The following PPARGC1B variants were observed in gnomAD, a reference collection of about 807,000 sequenced individuals.
PPARGC1B encodes the protein PPARG coactivator 1 beta.
In PPARGC1B, 34 loss-of-function variants were observed where a neutral mutation model predicts 101.6. The observed-to-expected ratio is 0.33, with a 90% CI of 0.25 to 0.45. The LOEUF (loss-of-function observed/expected upper bound fraction) is 0.45, where lower values mean the gene tolerates loss of function less well. PPARGC1B is among the 20% of genes least tolerant of loss of function. The pLI is 1.00. For synonymous variants in PPARGC1B, 548 were observed against 539.3 expected (o/e 1.02, Z -0.22); for missense variants, 1,234 against 1,317.6 (o/e 0.94, Z 0.98).
chr5:149,788,499 G>A (rs761417787), intron 1 of PPARGC1B, among the ~76,000 whole-genome samples: 4 of 152,262 alleles, frequency 2.6e-5, no homozygotes, highest in East Asian at 3.9e-4. Flanking sequence ...TAGTTTAACC[G>A]TTGTGGAAGA....
intron 8 of PPARGC1B, among the ~76,000 whole-genome samples, chr5:149,838,292 G>A (rs1029490001): frequency 3.9e-5 from 6 of 152,030 alleles, no homozygotes; most frequent in African/African-American, 1.2e-4. Context: ...TGGGCTCCCC[G>A]CAAACTTGTT....
intron 1 of PPARGC1B, among the ~76,000 whole-genome samples, chr5:149,806,140 T>A (rs577200334): frequency 1.3e-5 from 2 of 152,324 alleles, no homozygotes; most frequent in South Asian, 4.1e-4. Context: ...GAAGGGGGAA[T>A]CGCCAGCTAC....
At chr5:149,752,674 C>G (rs977635437) in intron 1 of PPARGC1B, among the ~76,000 whole-genome samples, 1 of 151,932 alleles carries the variant, frequency 6.6e-6, no homozygotes, top group Non-Finnish European at 1.5e-5. Flanking sequence ...ACTAAAAATA[C>G]AAAAATTAGC....
chr5:149,748,162 G>A (rs565133813), intron 1 of PPARGC1B, among the ~76,000 whole-genome samples: 87 of 152,250 alleles, frequency 5.7e-4, no homozygotes, highest in Non-Finnish European at 2.9e-4. Context: ...GGAGGCACAC[G>A]AGAACAGTGA....
In PPARGC1B at chr5:149,832,032, C is replaced by T. The variant is rs142072927; in HGVS notation, c.583-624C>T. Among the ~76,000 whole-genome samples the T allele has an allele frequency of 1.6e-4, 24 of 152,302 alleles. No individual in the cohort carries two copies. The East Asian group carries it at 4.4e-3, about 28-fold the overall frequency. ...GAACATATCCATCATTCAGGCTGGT[C>T]GCGGTGGCTCACGCCTGTAATCCCA... On this transcript the variant is annotated intron_variant, in intron 4 of 11. Transcript: ENST00000309241. The surrounding 1 kb of genome is among the most constrained non-coding windows in gnomAD (Gnocchi z 4.9).
intron 1 of PPARGC1B, among the ~76,000 whole-genome samples, chr5:149,816,694 G>C (rs1323000787): frequency 6.6e-6 from 1 of 152,220 alleles, no homozygotes; most frequent in African/African-American, 2.4e-5. Context: ...GCTGCTCTGA[G>C]TTACTGGAGA....
At chr5:149,765,574 C>T (rs1447181155) in intron 1 of PPARGC1B, among the ~76,000 whole-genome samples, 1 of 152,194 alleles carries the variant, frequency 6.6e-6, no homozygotes, top group Non-Finnish European at 1.5e-5. Flanking sequence ...CTCCACCCCT[C>T]TGAGACTTCA....
intron 1 of PPARGC1B, among the ~76,000 whole-genome samples, chr5:149,803,110 G>C (rs1237790824): frequency 6.6e-6 from 1 of 152,170 alleles, no homozygotes; most frequent in African/African-American, 2.4e-5. Flanking sequence ...CAGGGCCCTG[G>C]TTGTCTGCTC....
chr5:149,735,712 G>A (rs1754680153), intron 1 of PPARGC1B, among the ~76,000 whole-genome samples: 1 of 152,238 alleles, frequency 6.6e-6, no homozygotes, highest in Non-Finnish European at 1.5e-5. Flanking sequence ...GCCAGCATTA[G>A]TGGGCAGTGT....
chr5:149,812,611 C>T (rs767028572), intron 1 of PPARGC1B, among the ~76,000 whole-genome samples: 5 of 152,236 alleles, frequency 3.3e-5, no homozygotes, highest in Non-Finnish European at 7.3e-5. Flanking sequence ...TATTGGGAAT[C>T]TATCTCTGTC....
Position 149,830,841 on chromosome 5 carries a change from C to G in PPARGC1B, c.540C>G (p.Arg180=). The change falls in exon 4 of 12, where the codon CGC becomes CGG. Residue 180 remains arginine (R), a synonymous_variant. Coordinates refer to ENST00000309241, the MANE Select transcript of PPARGC1B (RefSeq NM_133263.4). Reference sequence around the variant, plus strand: ...CCCAGAAGGAAGGGACCGCCTGGCGCCAGGCAGGCCTCAGATCTAAAAGTC... The same window carrying G: ...CCCAGAAGGAAGGGACCGCCTGGCGGCAGGCAGGCCTCAGATCTAAAAGTC... ...SDTQKEGTAW[R]QAGLRSKSQR... is the part of the protein sequence containing the mutation. 1 of 1,614,106 alleles carries G rather than the reference C, an allele frequency of 6.2e-7. No homozygotes were observed. The highest frequency in any genetic ancestry group is 8.5e-7 in the Non-Finnish European group (1 of 1,179,934).
chr5:149,785,695 C>T (rs1756778380), intron 1 of PPARGC1B, among the ~76,000 whole-genome samples: 1 of 152,172 alleles, frequency 6.6e-6, no homozygotes, highest in African/African-American at 2.4e-5. Flanking sequence ...CCTGACGGTG[C>T]CACCCAAGTG....
chr5:149,798,607 T>C (rs1757316922), intron 1 of PPARGC1B, among the ~76,000 whole-genome samples: 1 of 152,086 alleles, frequency 6.6e-6, no homozygotes, highest in Non-Finnish European at 1.5e-5. Context: ...GGCCATGGGG[T>C]GGCCTGATTA....
In PPARGC1B at chr5:149,830,833, G is replaced by A. The variant is rs189353551; in HGVS notation, c.532G>A (p.Ala178Thr). 50 of 1,614,162 alleles carry A rather than the reference G, an allele frequency of 3.1e-5. No individual in the cohort carries two copies. The highest frequency in any genetic ancestry group is 4.5e-5 in the East Asian group (2 of 44,882). The change falls in exon 4 of 12, where the codon GCC (alanine) becomes ACC (threonine). Residue 178 changes from alanine to threonine, a missense_variant. By Grantham distance (58) the Ala-to-Thr change is moderately conservative. Coordinates refer to ENST00000309241, the MANE Select transcript of PPARGC1B (RefSeq NM_133263.4). The part of the protein sequence containing the change: ...SSSDTQKEGT[A>T]WRQAGLRSKS... ...CTCTGACACCCAGAAGGAAGGGACCGCCTGGCGCCAGGCAGGCCTCAGATC... is the reference window on the plus strand; with the variant it reads ...CTCTGACACCCAGAAGGAAGGGACCACCTGGCGCCAGGCAGGCCTCAGATC...
chr5:149,765,089 T>G (rs1455697124), intron 1 of PPARGC1B, among the ~76,000 whole-genome samples: 1 of 151,922 alleles, frequency 6.6e-6, no homozygotes, highest in Non-Finnish European at 1.5e-5. Context: ...GGGGTGGGCT[T>G]CTTCTCAAGA....
chr5:149,813,814 G>A (rs527985756), intron 1 of PPARGC1B, among the ~76,000 whole-genome samples: 3 of 152,180 alleles, frequency 2.0e-5, no homozygotes, highest in Admixed American at 2.0e-4. Flanking sequence ...GCCTAAGATC[G>A]AGGCACCGGC....
intron 1 of PPARGC1B, among the ~76,000 whole-genome samples, chr5:149,813,226 T>C (rs889579239): frequency 6.6e-6 from 1 of 152,198 alleles, no homozygotes; most frequent in Admixed American, 6.5e-5. Context: ...CAGGTCTGCA[T>C]TCCTGACAGC....
At chr5:149,826,137 C>G (rs1758509026) in intron 2 of PPARGC1B, among the ~76,000 whole-genome samples, 1 of 152,180 alleles carries the variant, frequency 6.6e-6, no homozygotes, top group Admixed American at 6.5e-5. Context: ...TAGTTGCTAC[C>G]TCCTCAGGAG....
intron 1 of PPARGC1B, among the ~76,000 whole-genome samples, chr5:149,788,998 C>T (rs1030768180): frequency 1.3e-5 from 2 of 152,170 alleles, no homozygotes; most frequent in African/African-American, 4.8e-5. Flanking sequence ...ATGGGGGGTG[C>T]AGCACACCAA....
Sources: allele counts gnomAD v4.1 joint callset (sites outside exome capture counted in the v4.1 genomes callset), GRCh38; gene constraint gnomAD v4.1.1; non-coding constraint Gnocchi (gnomAD v3.1); transcripts MANE v1.5; gene names NCBI Gene and HGNC (gene_info 2026-07-23, HGNC 2026-07-21).